The following ZNF423 variants were observed in gnomAD, a reference collection of about 807,000 sequenced individuals.
ZNF423 encodes the protein Ebf-associated zinc finger protein.
ZNF423 carries 12 observed loss-of-function variants against 95.8 expected under a neutral mutation model. The observed-to-expected ratio is 0.13, with a 90% CI of 0.08 to 0.20. The LOEUF (loss-of-function observed/expected upper bound fraction) is 0.20, where lower values mean the gene tolerates loss of function less well. ZNF423 is among the 10% of genes least tolerant of loss of function. ZNF423 has a pLI of 1.00. For missense variants in ZNF423, 1,316 were observed against 1,737.1 expected, an observed-to-expected ratio of 0.76 and a Z score of 4.31; for synonymous variants, 749 against 711.9, an observed-to-expected ratio of 1.05 and a Z score of -0.83.
intron 2 of ZNF423, among the ~76,000 whole-genome samples, chr16:49,771,086 TG>T (rs2034024140): frequency 6.6e-6 from 1 of 151,948 alleles, no homozygotes; most frequent in Non-Finnish European, 1.5e-5. Flanking sequence ...TGAGAGGTGT[TG>T]TTCAGGAGTA....
At chr16:49,745,031 G>A (rs923950648) in intron 2 of ZNF423, among the ~76,000 whole-genome samples, 1 of 152,028 alleles carries the variant, frequency 6.6e-6, no homozygotes, top group Non-Finnish European at 1.5e-5. Context: ...TCATTCTTGA[G>A]TAACTTGTCA....
intron 3 of ZNF423, among the ~76,000 whole-genome samples, chr16:49,675,924 T>C (rs2031026701): frequency 6.6e-6 from 1 of 152,216 alleles, no homozygotes; most frequent in Admixed American, 6.5e-5. Context: ...CACACAACAC[T>C]GTGCAGAGGT....
chr16:49,669,609 AG>A (rs1280370652), intron 3 of ZNF423, among the ~76,000 whole-genome samples: 2 of 152,226 alleles, frequency 1.3e-5, no homozygotes, highest in Non-Finnish European at 2.9e-5. Flanking sequence ...ACCAGGCAGG[AG>A]TTGGACCTAG....
intron 2 of ZNF423, among the ~76,000 whole-genome samples, chr16:49,754,241 C>T (rs2033684485): frequency 6.6e-6 from 1 of 152,168 alleles, no homozygotes; most frequent in South Asian, 2.1e-4. Context: ...AAGCATTCAT[C>T]ATTGCATTTA....
At chr16:49,768,464 A>AT (rs2033970743) in intron 2 of ZNF423, among the ~76,000 whole-genome samples, 2 of 152,204 alleles carry the variant, frequency 1.3e-5, no homozygotes, top group Non-Finnish European at 2.9e-5. Flanking sequence ...CATCAAGGTC[A>AT]CGGCACATGT....
At chr16:49,761,046 A>G (rs553159357) in intron 2 of ZNF423, among the ~76,000 whole-genome samples, 2 of 110,548 alleles carry the variant, frequency 1.8e-5, no homozygotes, top group Admixed American at 9.1e-5. Flanking sequence ...ATGCACACAC[A>G]TACATGCACA....
intron 4 of ZNF423, among the ~76,000 whole-genome samples, chr16:49,632,654 G>T (rs1357240880): frequency 6.6e-6 from 1 of 152,134 alleles, no homozygotes; most frequent in Non-Finnish European, 1.5e-5. Flanking sequence ...TGGGTATATG[G>T]CATCACCTTT....
chr16:49,496,963 C>T (rs1967186902), intron 7 of ZNF423, among the ~76,000 whole-genome samples: 1 of 152,154 alleles, frequency 6.6e-6, no homozygotes, highest in African/African-American at 2.4e-5. Flanking sequence ...GTCCAAAGGG[C>T]TGGCAAGGTC....
chr16:49,721,866 T>C (rs548885583), intron 3 of ZNF423, among the ~76,000 whole-genome samples: 1 of 152,100 alleles, frequency 6.6e-6, no homozygotes, highest in Non-Finnish European at 1.5e-5. Context: ...ACACAAGAAA[T>C]GCAGAATCTT....
chr16:49,682,068 C>A (rs1355275314), intron 3 of ZNF423, among the ~76,000 whole-genome samples: 1 of 151,634 alleles, frequency 6.6e-6, no homozygotes, highest in Non-Finnish European at 1.5e-5. Context: ...CTCTAATTAC[C>A]CCCCAGTCTC....
intron 1 of ZNF423, among the ~76,000 whole-genome samples, chr16:49,812,243 A>G (rs2034765353): frequency 6.6e-6 from 1 of 152,220 alleles, no homozygotes; most frequent in African/African-American, 2.4e-5. Context: ...GACCTATGCA[A>G]TTTAAAATCC....
intron 5 of ZNF423, among the ~76,000 whole-genome samples, chr16:49,602,549 T>C (rs1250908335): frequency 6.6e-6 from 1 of 152,044 alleles, no homozygotes; most frequent in East Asian, 1.9e-4. Flanking sequence ...GGTAGCCTAA[T>C]GTGGGAGCAG....
intron 3 of ZNF423, among the ~76,000 whole-genome samples, chr16:49,689,358 T>C (rs1466170466): frequency 1.3e-5 from 2 of 151,636 alleles, no homozygotes; most frequent in Admixed American, 1.3e-4. Context: ...CCCAGGAGGC[T>C]GAGTCAGGAG....
chr16:49,572,361 G>C (rs1015322829), intron 5 of ZNF423, among the ~76,000 whole-genome samples: 1 of 152,200 alleles, frequency 6.6e-6, no homozygotes, highest in Non-Finnish European at 1.5e-5. Flanking sequence ...TAACTGGGGG[G>C]AGTGAGGCAC....
chr16:49,802,279 T>A (rs571220927), intron 1 of ZNF423, among the ~76,000 whole-genome samples: 14 of 152,224 alleles, frequency 9.2e-5, no homozygotes, highest in African/African-American at 3.4e-4. Flanking sequence ...GCTCCCATGA[T>A]CCTTAAGATC....
intron 3 of ZNF423, among the ~76,000 whole-genome samples, chr16:49,664,872 C>G (rs1361955058): frequency 6.6e-6 from 1 of 152,274 alleles, no homozygotes; most frequent in Non-Finnish European, 1.5e-5. Context: ...GGGGTGGCCC[C>G]TGGCTACAGC....
intron 5 of ZNF423, among the ~76,000 whole-genome samples, chr16:49,553,336 C>A (rs1485473706): frequency 2.0e-5 from 3 of 151,660 alleles, no homozygotes; most frequent in Non-Finnish European, 4.4e-5. Context: ...ATATATATTT[C>A]TTTTCTTATA....
intron 2 of ZNF423, among the ~76,000 whole-genome samples, chr16:49,784,056 A>G (rs1353298009): frequency 1.3e-5 from 2 of 152,126 alleles, no homozygotes; most frequent in East Asian, 1.9e-4. Flanking sequence ...TAGAATTTAC[A>G]AAAAGGAAAA....
chr16:49,540,570 T>C (rs997673118), intron 5 of ZNF423, among the ~76,000 whole-genome samples: 1 of 152,140 alleles, frequency 6.6e-6, no homozygotes, highest in Non-Finnish European at 1.5e-5. Context: ...CATGAGCCAA[T>C]GCGCCTGGCC....
Sources: gnomAD v4.1 joint callset for allele counts (sites outside exome capture counted in the v4.1 genomes callset) on GRCh38, gnomAD v4.1.1 for gene constraint, MANE v1.5 for transcripts, NCBI Gene and HGNC (gene_info 2026-07-23, HGNC 2026-07-21) for gene names.